PPFIA1: variants seen among roughly 807,000 people sequenced by gnomAD.
PPFIA1 encodes the protein liprin-alpha-1.
PPFIA1 carries 25 observed loss-of-function variants against 149.9 expected under a neutral mutation model. That is an observed-to-expected ratio of 0.17 (90% CI 0.12 to 0.23). The LOEUF is 0.23. Ranked by LOEUF, PPFIA1 falls within the 10% of genes least tolerant of loss-of-function variation. The pLI is 1.00. For missense variants in PPFIA1, 1,362 were observed against 1,506.5 expected (o/e 0.90, Z 1.59); for synonymous variants, 549 against 552.8 (o/e 0.99, Z 0.10).
chr11:70,272,637 G>T (rs1263327893), intron 2 of PPFIA1, among the ~76,000 whole-genome samples: 4 of 152,188 alleles, frequency 2.6e-5, no homozygotes, highest in African/African-American at 9.6e-5. Context: ...CTAAAGTCAT[G>T]TGAAAATACC....
chr11:70,293,172 G>A (rs752821446), intron 2 of PPFIA1, among the ~76,000 whole-genome samples: 6 of 152,322 alleles, frequency 3.9e-5, no homozygotes, highest in South Asian at 2.1e-4. Flanking sequence ...ATCTTTTAAC[G>A]GTTACCTACC....
At chr11:70,345,344 T>G (rs879967199) in intron 15 of PPFIA1, among the ~76,000 whole-genome samples, 1 of 137,528 alleles carries the variant, frequency 7.3e-6, no homozygotes, top group African/African-American at 2.9e-5. Context: ...GAAATAAGAA[T>G]TTTAAGAAGG....
chr11:70,367,393 C>A, intron 21 of PPFIA1: 1 of 390,216 alleles, frequency 2.6e-6, no homozygotes, highest in Admixed American at 3.1e-5. Flanking sequence ...CCTCATTTAA[C>A]AAAATTAGTA....
Position 70,378,016 on chromosome 11 carries a change from C to T in PPFIA1, c.3385-14C>T, listed in dbSNP as rs367972241. 44 of 1,568,952 alleles carry T rather than the reference C, an allele frequency of 2.8e-5. No individual in the cohort carries two copies. Among genetic ancestry groups the T allele is most frequent in the Admixed American group, 2.8e-4 (15 of 53,980 alleles). ...TTTTAAATGAATCTTGTTTTTTGTT[C>T]CTTAATTTACCAGGATGATGATAAA... On this transcript the variant is annotated splice_polypyrimidine_tract_variant and intron_variant, in intron 25 of 27. Transcript: ENST00000253925.
intron 2 of PPFIA1, among the ~76,000 whole-genome samples, chr11:70,296,423 C>T (rs916742881): frequency 2.0e-5 from 3 of 152,206 alleles, no homozygotes; most frequent in African/African-American, 7.2e-5. Context: ...ACACTGTCTG[C>T]AATCCCAGCA....
In PPFIA1 at chr11:70,282,067, A is replaced by G. The variant is rs181672003; in HGVS notation, c.264+9631A>G. Among the ~76,000 whole-genome samples the G allele has an allele frequency of 2.1e-3, 314 of 150,662 alleles. 3 individuals carry two copies. Among genetic ancestry groups the G allele is most frequent in the African/African-American group, 7.2e-3 (293 of 40,886 alleles). ...TTTTTTCCAGTCTGCTTCTCATGAC[A>G]TTGTCCAGTTTCTAATCAGAATCCC... On this transcript the variant is annotated intron_variant, in intron 2 of 27. Transcript: ENST00000253925.
Position 70,355,696 on chromosome 11 carries a change from G to C in PPFIA1, c.2373G>C (p.Gln791His). The part of the protein sequence containing the change: ...VSNPSSSNSS[Q>H]DSLHKAPKKK... ...ACCCCAGCAGTAGCAACAGTAGCCAGGACTCGCTCCACAAAGCCCCAAAGA... is the reference window on the plus strand; with the variant it reads ...ACCCCAGCAGTAGCAACAGTAGCCACGACTCGCTCCACAAAGCCCCAAAGA... Residue 791 changes from glutamine to histidine, a missense_variant, in exon 18 of 28, where the codon CAG becomes CAC. Physicochemically the swap from Gln to His is conservative, Grantham distance 24. Around this residue, in one of 7 missense-constraint regions of PPFIA1, gnomAD observed 733 missense variants for 744.1 expected, o/e 0.99. Coordinates refer to ENST00000253925, the MANE Select transcript of PPFIA1 (RefSeq NM_003626.5). The C allele has an allele frequency of 6.2e-7, 1 of 1,614,090 alleles. No homozygotes were observed. Among genetic ancestry groups the C allele is most frequent in the Non-Finnish European group, 8.5e-7 (1 of 1,180,006 alleles).
chr11:70,312,234 A>G (rs1262564264), intron 2 of PPFIA1, among the ~76,000 whole-genome samples: 1 of 151,976 alleles, frequency 6.6e-6, no homozygotes, highest in Non-Finnish European at 1.5e-5. Flanking sequence ...ACTGTTGCCC[A>G]GGCTGGAGTG....
At chr11:70,278,884 C>T in intron 2 of PPFIA1, 1 of 520,872 alleles carries the variant, frequency 1.9e-6, no homozygotes, top group East Asian at 4.6e-5. Context: ...GTTTAGGGTC[C>T]TGAGATAATA....
At position 70,360,912 on chromosome 11, in the gene PPFIA1, A is replaced by G. The variant is rs532272260; in HGVS notation, c.2583-1183A>G. Among the ~76,000 whole-genome samples the G allele has an allele frequency of 2.6e-5, 4 of 152,364 alleles. No homozygotes were observed. In the South Asian group the frequency reaches 6.2e-4, roughly 24 times the overall value. On this transcript the variant is annotated intron_variant, in intron 19 of 27. Coordinates refer to ENST00000253925, the MANE Select transcript of PPFIA1 (RefSeq NM_003626.5). ...AAATGTATGTGTCCTCTCCATTACA[A>G]TGACACCTTCTCTCTGAGACTTTTT...
intron 2 of PPFIA1, among the ~76,000 whole-genome samples, chr11:70,283,329 T>G (rs960965874): frequency 2.6e-5 from 4 of 152,166 alleles, no homozygotes; most frequent in African/African-American, 4.8e-5. Flanking sequence ...AAGAACTCTT[T>G]TGTGTGAAAC....
intron 2 of PPFIA1, among the ~76,000 whole-genome samples, chr11:70,298,871 A>AT (rs1218853820): frequency 2.6e-5 from 4 of 152,204 alleles, no homozygotes; most frequent in Admixed American, 6.5e-5. Flanking sequence ...ACTGTCAGTA[A>AT]TTTAGAGGGT....
At chr11:70,353,011 C>T (rs2137308302) in intron 16 of PPFIA1, among the ~76,000 whole-genome samples, 1 of 152,262 alleles carries the variant, frequency 6.6e-6, no homozygotes, top group South Asian at 2.1e-4. Context: ...TTGATAATTT[C>T]TAGCTTTGAA....
intron 2 of PPFIA1, among the ~76,000 whole-genome samples, chr11:70,303,453 A>G (rs58269947): frequency 0.076 from 11,579 of 152,178 alleles, 1,553 homozygotes; most frequent in African/African-American, 0.27. Flanking sequence ...GCTAACTACA[A>G]TTGTTATGAA....
At chr11:70,353,109 C>A (rs2056165935) in intron 16 of PPFIA1, among the ~76,000 whole-genome samples, 1 of 152,160 alleles carries the variant, frequency 6.6e-6, no homozygotes, top group Non-Finnish European at 1.5e-5. Context: ...AGATTCTGTC[C>A]TAAATGAGCA....
intron 14 of PPFIA1, among the ~76,000 whole-genome samples, chr11:70,340,039 A>G (rs1227089522): frequency 6.6e-6 from 1 of 151,986 alleles, no homozygotes; most frequent in African/African-American, 2.4e-5. Flanking sequence ...AGCCGAGTGC[A>G]GTGCCTCACA....
At chr11:70,292,558 T>C (rs926329098) in intron 2 of PPFIA1, among the ~76,000 whole-genome samples, 1 of 152,216 alleles carries the variant, frequency 6.6e-6, no homozygotes, top group African/African-American at 2.4e-5. Context: ...TTTAGCAAAT[T>C]CGTATTGTCT....
At chr11:70,336,907 C>T (rs927203961) in intron 11 of PPFIA1, among the ~76,000 whole-genome samples, 21 of 152,234 alleles carry the variant, frequency 1.4e-4, no homozygotes, top group African/African-American at 4.3e-4. Context: ...TTTATTTACA[C>T]GGTGCTGACC....
chr11:70,364,553 G>A (rs1295820615), intron 21 of PPFIA1: 1 of 152,162 alleles, frequency 6.6e-6, no homozygotes, highest in African/African-American at 2.4e-5. Context: ...TACAAAAAAA[G>A]TTTTGAGGGG....
Sources: allele counts gnomAD v4.1 joint callset (sites outside exome capture counted in the v4.1 genomes callset), GRCh38; gene constraint gnomAD v4.1.1; regional missense constraint gnomAD v4.1.1; transcripts MANE v1.5; gene names NCBI Gene and HGNC (gene_info 2026-07-23, HGNC 2026-07-21).